Variants in BCS1L observed in about 807,000 individuals in gnomAD.
The protein encoded by BCS1L is mitochondrial chaperone BCS1.
Under a neutral mutation model 49.3 loss-of-function variants are expected in BCS1L, and 38 were observed. That is an observed-to-expected ratio of 0.77 (90% CI 0.59 to 1.01). BCS1L has a LOEUF of 1.01. Among genes scored for constraint, BCS1L ranks in the 50% least tolerant of loss-of-function variants. BCS1L has a pLI of 0.00. For missense variants in BCS1L, 394 were observed against 540.2 expected (o/e 0.73, Z 2.68); for synonymous variants, 193 against 210.1 (o/e 0.92, Z 0.70).
At position 218,661,416 on chromosome 2, in the gene BCS1L, A is replaced by C. The variant is rs750506359; in HGVS notation, c.331A>C (p.Lys111Gln). 2.8e-5 allele frequency: 46 copies of C among 1,614,110 alleles called. 1 individual carries two copies. In the South Asian group the frequency reaches 5.0e-4, roughly 18 times the overall value. The change falls in exon 3 of 8, where the codon AAA becomes CAA. Residue 111 changes from lysine (K) to glutamine (Q), a missense_variant. Transcript: ENST00000359273. The surrounding 1 kb of genome is among the most constrained non-coding windows in gnomAD (Gnocchi z 5.9). ...PGNHFIWYRG[K>Q]WIRVERSREM... ...ATCGTTCTTATTCAGGTATCGGGGG[A>C]AATGGATTCGGGTAGAACGAAGTCG...
Position 218,662,950 on chromosome 2 carries a change from G to A in BCS1L, c.957G>A (p.Val319=), listed in dbSNP as rs758434684. 1.2e-6 allele frequency: 2 copies of A among 1,614,154 alleles called. No homozygotes were observed. Among genetic ancestry groups the A allele is most frequent in the South Asian group, 1.1e-5 (1 of 91,062 alleles). The stretch of plus-strand genomic sequence containing the variant: ...GACTGCTCAATGCCTTGGATGGTGT[G>A]GCTTCCACCGAGGCCCGCATCGTGT... The part of the protein sequence containing the change: ...FSGLLNALDG[V]ASTEARIVFM... Residue 319 remains valine, a synonymous_variant, in exon 7 of 8, where the codon GTG becomes GTA. Transcript: ENST00000359273. The surrounding 1 kb of genome is among the most constrained non-coding windows in gnomAD (Gnocchi z 5.8).
At position 218,661,796 on chromosome 2, in the gene BCS1L, C is replaced by G. The variant is rs144714144; in HGVS notation, c.498C>G (p.Thr166=). The G allele has an allele frequency of 3.1e-6, 5 of 1,611,338 alleles. No individual in the cohort carries two copies. In the African/African-American group the frequency reaches 6.7e-5, roughly 22 times the overall value. Residue 166 remains threonine, a synonymous_variant, in exon 4 of 8, where the codon ACC becomes ACG. Coordinates refer to ENST00000359273, the MANE Select transcript of BCS1L (RefSeq NM_001079866.2). This position sits in a 1 kb window ranked among gnomAD's most constrained non-coding sequence, Gnocchi z 5.9. ...CCTTGCAGCAGGAGGAAGGGAAGAC[C>G]GTGATGTACACAGCTGTGGGCTCTG... ...ELALQQEEGK[T]VMYTAVGSEW... is the part of the protein sequence containing the mutation.
rs1553596645 is a variant in BCS1L, at chr2:218,661,458, G to A, written c.373G>A (p.Asp125Asn). The A allele has an allele frequency of 6.2e-7, 1 of 1,614,214 alleles. No homozygotes were observed. The highest frequency in any genetic ancestry group is 8.5e-7 in the Non-Finnish European group (1 of 1,180,036). The change falls in exon 3 of 8, where the codon GAC becomes AAC. Residue 125 changes from aspartate (D) to asparagine (N), a missense_variant. By Grantham distance (23) the Asp-to-Asn change is conservative. Coordinates refer to ENST00000359273, the MANE Select transcript of BCS1L (RefSeq NM_001079866.2). The surrounding 1 kb of genome is among the most constrained non-coding windows in gnomAD (Gnocchi z 5.9). Reference protein sequence around the residue: ...VERSREMQMIDLQTGTPWESV... With the variant: ...VERSREMQMINLQTGTPWESV... ...ACGAAGTCGAGAGATGCAGATGATA[G>A]ACTTGCAGACGGGGACTCCTTGGGA...
Position 218,660,977 on chromosome 2 carries a change from T to C in BCS1L, c.-11T>C. 1.2e-6 allele frequency: 2 copies of C among 1,613,370 alleles called. No individual in the cohort carries two copies. Among genetic ancestry groups the C allele is most frequent in the Non-Finnish European group, 8.5e-7 (1 of 1,180,020 alleles). ...CCCAGGGCCTGTAAGGTTTGGTGTT[T>C]CCCTTTCAAGATGCCACTTTCAGAC... On this transcript the variant is annotated 5_prime_UTR_variant, in exon 2 of 8. Transcript: ENST00000359273.
Position 218,661,343 on chromosome 2 carries a change from A to G in BCS1L, c.320+36A>G. 1.2e-6 allele frequency: 2 copies of G among 1,614,222 alleles called. No homozygotes were observed. Among genetic ancestry groups the G allele is most frequent in the East Asian group, 2.2e-5 (1 of 44,886 alleles). On this transcript the variant is annotated intron_variant, in intron 2 of 7. Coordinates refer to ENST00000359273, the MANE Select transcript of BCS1L (RefSeq NM_001079866.2). The surrounding 1 kb of genome is among the most constrained non-coding windows in gnomAD (Gnocchi z 5.9). ...GAGCTAGGGAGGGCTGTGAGAGTAG[A>G]AAAGAATGATGGGAGCTGGGTTTGA...
Position 218,662,539 on chromosome 2 carries a change from G to A in BCS1L, c.749G>A (p.Ser250Asn). 1.2e-6 allele frequency: 2 copies of A among 1,614,068 alleles called. No homozygotes were observed. The highest frequency in any genetic ancestry group is 1.7e-6 in the Non-Finnish European group (2 of 1,180,042). ...GCCCTGGCTGGGGAACTGGAGCACA[G>A]CATCTGCCTGCTGAGCCTCACGGAC... ...ITALAGELEHSICLLSLTDSS... is the reference protein window; with the variant it reads ...ITALAGELEHNICLLSLTDSS... Residue 250 changes from serine (S) to asparagine (N), a missense_variant, in exon 6 of 8, where the codon AGC becomes AAC. Transcript: ENST00000359273. This position sits in a 1 kb window ranked among gnomAD's most constrained non-coding sequence, Gnocchi z 5.8.
In BCS1L at chr2:218,661,346, A is replaced by G. The variant is rs1939397174; in HGVS notation, c.320+39A>G. The G allele has an allele frequency of 6.2e-7, 1 of 1,614,090 alleles. No homozygotes were observed. On this transcript the variant is annotated intron_variant, in intron 2 of 7. Coordinates refer to ENST00000359273, the MANE Select transcript of BCS1L (RefSeq NM_001079866.2). The surrounding 1 kb of genome is among the most constrained non-coding windows in gnomAD (Gnocchi z 5.9). The stretch of plus-strand genomic sequence containing the variant: ...CTAGGGAGGGCTGTGAGAGTAGAAA[A>G]GAATGATGGGAGCTGGGTTTGACCC...
Position 218,661,188 on chromosome 2 carries a change from C to G in BCS1L, c.201C>G (p.Leu67=). ...DRSYAWLLSW[L]TRHSTRTQHL... ...GCTATGCCTGGTTGCTTAGCTGGCT[C>G]ACCCGCCACAGTACCCGTACTCAGC... The change falls in exon 2 of 8, where the codon CTC becomes CTG. Residue 67 remains leucine, a synonymous_variant. Coordinates refer to ENST00000359273, the MANE Select transcript of BCS1L (RefSeq NM_001079866.2). This position sits in a 1 kb window ranked among gnomAD's most constrained non-coding sequence, Gnocchi z 5.9. The G allele has an allele frequency of 6.2e-7, 1 of 1,614,206 alleles. No homozygotes were observed. Among genetic ancestry groups the G allele is most frequent in the South Asian group, 1.1e-5 (1 of 91,086 alleles).
chr2:218,660,405 G>C, intron 1 of BCS1L: 5 of 153,694 alleles, frequency 3.3e-5, no homozygotes, highest in Non-Finnish European at 5.8e-5. Context: ...TTGTGTAGAT[G>C]TTCCGTGAAG....
Position 218,661,254 on chromosome 2 carries a change from C to T in BCS1L, c.267C>T (p.Gly89=). The T allele has an allele frequency of 6.2e-7, 1 of 1,614,210 alleles. No homozygotes were observed. Among genetic ancestry groups the T allele is most frequent in the South Asian group, 1.1e-5 (1 of 91,084 alleles). The change falls in exon 2 of 8, where the codon GGC becomes GGT. Residue 89 remains glycine, a synonymous_variant. Coordinates refer to ENST00000359273, the MANE Select transcript of BCS1L (RefSeq NM_001079866.2). The surrounding 1 kb of genome is among the most constrained non-coding windows in gnomAD (Gnocchi z 5.9). ...VETSYLQHES[G]RISTKFEFVP... ...CTTCGTACCTTCAGCATGAGAGTGGCCGCATTTCCACTAAGTTTGAATTTG... is the reference window on the plus strand; with the variant it reads ...CTTCGTACCTTCAGCATGAGAGTGGTCGCATTTCCACTAAGTTTGAATTTG...
At position 218,661,728 on chromosome 2, in the gene BCS1L, T is replaced by G; in HGVS notation, c.461-31T>G. The G allele has an allele frequency of 6.2e-7, 1 of 1,605,244 alleles. No homozygotes were observed. The highest frequency in any genetic ancestry group is 8.5e-7 in the Non-Finnish European group (1 of 1,174,496). ...AAGAATCAGCCATGGTGAAGAGAATTATTGGCTTTATCTCATCTTCTCCTT... is the reference window on the plus strand; with the variant it reads ...AAGAATCAGCCATGGTGAAGAGAATGATTGGCTTTATCTCATCTTCTCCTT... On this transcript the variant is annotated intron_variant, in intron 3 of 7. Coordinates refer to ENST00000359273, the MANE Select transcript of BCS1L (RefSeq NM_001079866.2). The surrounding 1 kb of genome is among the most constrained non-coding windows in gnomAD (Gnocchi z 5.9).
Position 218,662,354 on chromosome 2 carries a change from C to A in BCS1L, c.719+94C>A. 1 of 1,502,242 alleles carries A rather than the reference C, an allele frequency of 6.7e-7. No individual in the cohort carries two copies. The highest frequency in any genetic ancestry group is 9.3e-7 in the Non-Finnish European group (1 of 1,080,120). The allele number at this position is 1,502,242 out of a possible 1,614,324, so 93.1% of individuals were successfully genotyped here. A position where few individuals can be genotyped will look rare whatever the true frequency, so the allele number is the denominator to read the frequency against. On this transcript the variant is annotated intron_variant, in intron 5 of 7. Transcript: ENST00000359273. This position sits in a 1 kb window ranked among gnomAD's most constrained non-coding sequence, Gnocchi z 5.8. Reference sequence around the variant, plus strand: ...TGGAAGGGGAAATGAATCTGGGGATCGGGGACCAGGATAAACATGAAACGT... The same window carrying A: ...TGGAAGGGGAAATGAATCTGGGGATAGGGGACCAGGATAAACATGAAACGT...
In BCS1L at chr2:218,663,144, G is replaced by A; in HGVS notation, c.1018G>A (p.Ala340Thr). The change falls in exon 8 of 8, where the codon GCC becomes ACC. Residue 340 changes from alanine to threonine, a missense_variant. Ala to Thr is a moderately conservative substitution (Grantham distance 58). Transcript: ENST00000359273. ...CCTGTCTTCTCTCAGGCTGGACCCT[G>A]CCCTGATACGCCCGGGGCGAGTGGA... is the stretch of plus-strand genomic sequence containing the variant. ...TTNHVDRLDP[A>T]LIRPGRVDLK... is the part of the protein sequence containing the mutation. 1 of 1,614,214 alleles carries A rather than the reference G, an allele frequency of 6.2e-7. No individual in the cohort carries two copies. The highest frequency in any genetic ancestry group is 1.3e-5 in the African/African-American group (1 of 75,048).
Position 218,661,129 on chromosome 2 carries a change from A to G in BCS1L, c.142A>G (p.Met48Val), listed in dbSNP as rs755305281. 1 of 1,614,160 alleles carries G rather than the reference A, an allele frequency of 6.2e-7. No individual in the cohort carries two copies. Among genetic ancestry groups the G allele is most frequent in the Non-Finnish European group, 8.5e-7 (1 of 1,180,026 alleles). The change falls in exon 2 of 8, where the codon ATG becomes GTG. Residue 48 changes from methionine (M) to valine (V), a missense_variant. Met to Val is a conservative substitution (Grantham distance 21). Coordinates refer to ENST00000359273, the MANE Select transcript of BCS1L (RefSeq NM_001079866.2). The surrounding 1 kb of genome is among the most constrained non-coding windows in gnomAD (Gnocchi z 5.9). ...LGLVAFRRHY[M>V]ITLEVPARDR... is the part of the protein sequence containing the mutation. ...CCTGGTGGCATTCCGGCGCCATTACATGATCACACTGGAAGTCCCTGCTCG... is the reference window on the plus strand; with the variant it reads ...CCTGGTGGCATTCCGGCGCCATTACGTGATCACACTGGAAGTCCCTGCTCG...
In BCS1L at chr2:218,661,742, C is replaced by T; in HGVS notation, c.461-17C>T. On this transcript the variant is annotated splice_polypyrimidine_tract_variant and intron_variant, in intron 3 of 7. Transcript: ENST00000359273. The surrounding 1 kb of genome is among the most constrained non-coding windows in gnomAD (Gnocchi z 5.9). ...GTGAAGAGAATTATTGGCTTTATCT[C>T]ATCTTCTCCTTCCCAGCTCGAGAGC... is the stretch of plus-strand genomic sequence containing the variant. 6.2e-7 allele frequency: 1 copy of T among 1,607,578 alleles called. No homozygotes were observed. Among genetic ancestry groups the T allele is most frequent in the Non-Finnish European group, 8.5e-7 (1 of 1,175,326 alleles).
In BCS1L at chr2:218,660,925, T is replaced by C; in HGVS notation, c.-49-14T>C. The C allele has an allele frequency of 1.3e-6, 2 of 1,576,574 alleles. No homozygotes were observed. The highest frequency in any genetic ancestry group is 1.7e-6 in the Non-Finnish European group (2 of 1,151,386). On this transcript the variant is annotated splice_polypyrimidine_tract_variant and intron_variant, in intron 1 of 7. Transcript: ENST00000359273. ...TCTGTGCTTTGTCCCATCTCCACTG[T>C]TCCCCACCCCTAGGTTTTCGTAACA...
Position 218,661,735 on chromosome 2 carries a change from T to G in BCS1L, c.461-24T>G. The G allele has an allele frequency of 6.2e-7, 1 of 1,607,022 alleles. No individual in the cohort carries two copies. Among genetic ancestry groups the G allele is most frequent in the Non-Finnish European group, 8.5e-7 (1 of 1,175,274 alleles). On this transcript the variant is annotated intron_variant, in intron 3 of 7. Coordinates refer to ENST00000359273, the MANE Select transcript of BCS1L (RefSeq NM_001079866.2). The surrounding 1 kb of genome is among the most constrained non-coding windows in gnomAD (Gnocchi z 5.9). ...AGCCATGGTGAAGAGAATTATTGGCTTTATCTCATCTTCTCCTTCCCAGCT... is the reference window on the plus strand; with the variant it reads ...AGCCATGGTGAAGAGAATTATTGGCGTTATCTCATCTTCTCCTTCCCAGCT...
Position 218,663,389 on chromosome 2 carries a change from A to G in BCS1L, c.*3A>G. 6.2e-7 allele frequency: 1 copy of G among 1,614,016 alleles called. No individual in the cohort carries two copies. Among genetic ancestry groups the G allele is most frequent in the East Asian group, 2.2e-5 (1 of 44,890 alleles). ...ATGCTGAGTCTCTGAGGAGGTGATC[A>G]GGCTGGGCTCAGCTCAGCTCTCCTC... On this transcript the variant is annotated 3_prime_UTR_variant, in exon 8 of 8. Transcript: ENST00000359273.
chr2:218,661,955 T>TTC lies in BCS1L; in HGVS notation c.655+2_655+3insTC. The TTC allele has an allele frequency of 6.2e-7, 1 of 1,613,792 alleles. No individual in the cohort carries two copies. The highest frequency in any genetic ancestry group is 8.5e-7 in the Non-Finnish European group (1 of 1,179,896). ...ACCCCAAGTGGTACACTGACAGAGG[T>TTC]GAGAAGCAGCTGGGGTCTTGGCTGT... On this transcript the variant is annotated splice_region_variant and intron_variant, in intron 4 of 7. Coordinates refer to ENST00000359273, the MANE Select transcript of BCS1L (RefSeq NM_001079866.2). The surrounding 1 kb of genome is among the most constrained non-coding windows in gnomAD (Gnocchi z 5.9).
Sources: allele counts gnomAD v4.1 joint callset, GRCh38; gene constraint gnomAD v4.1.1; non-coding constraint Gnocchi (gnomAD v3.1); transcripts MANE v1.5; gene names NCBI Gene and HGNC (gene_info 2026-07-23, HGNC 2026-07-21).